CSMD1: variants seen among roughly 807,000 people sequenced by gnomAD.
CSMD1 encodes CUB and Sushi multiple domains 1.
CSMD1 carries 213 observed loss-of-function variants against 417.5 expected under a neutral mutation model. The ratio of observed to expected loss-of-function variants is 0.51; its 90% CI spans 0.46 to 0.57. CSMD1 has a LOEUF of 0.57. Ranked by LOEUF, CSMD1 falls within the 20% of genes least tolerant of loss-of-function variation. CSMD1 has a pLI of 0.00. For missense variants in CSMD1, 6,923 were observed against 4,529.7 expected (o/e 1.53, Z -15.17); for synonymous variants, 2,862 against 1,736.8 (o/e 1.65, Z -16.11).
rs185318122 is a variant in CSMD1, at chr8:3,233,825, G to C, written c.4154-3594C>G. Reference sequence around the variant, plus strand: ...ACCCATCCAGAGGAGAGTCACATTAGATTACAGGATCTGCCTGGAACAACA... The same window carrying C: ...ACCCATCCAGAGGAGAGTCACATTACATTACAGGATCTGCCTGGAACAACA... On this transcript the variant is annotated intron_variant, in intron 26 of 69. Transcript: ENST00000635120. Among the ~76,000 whole-genome samples, 7 of 151,978 alleles carry C rather than the reference G, an allele frequency of 4.6e-5. No homozygotes were observed. In the East Asian group the frequency reaches 1.2e-3, roughly 25 times the overall value.
Position 3,703,350 on chromosome 8 carries a change from T to A in CSMD1, c.1009+5064A>T, listed in dbSNP as rs1395509713. 2.0e-5 allele frequency among the ~76,000 whole-genome samples: 3 copies of A among 152,264 alleles called. No individual in the cohort carries two copies. The East Asian group carries it at 5.8e-4, about 29-fold the overall frequency. On this transcript the variant is annotated intron_variant, in intron 7 of 69. Transcript: ENST00000635120. The stretch of plus-strand genomic sequence containing the variant: ...ATGAACGTGGGTTCCCAAAGCAAAA[T>A]TCACAAAAGACTCATCAGATTAGGA...
chr8:3,848,767 G>T (rs1273627382), intron 5 of CSMD1, among the ~76,000 whole-genome samples: 1 of 151,996 alleles, frequency 6.6e-6, no homozygotes, highest in African/African-American at 2.4e-5. Flanking sequence ...AATTATAATT[G>T]TCAAATATTT....
rs1028520519 is a variant in CSMD1, at chr8:3,231,382, G to C, written c.4154-1151C>G. Among the ~76,000 whole-genome samples the C allele has an allele frequency of 3.2e-4, 49 of 152,084 alleles. 1 individual carries two copies. The highest frequency in any genetic ancestry group is 1.1e-3 in the African/African-American group (47 of 41,378). ...TTTTATGAAAGAGCAAAAAAAAAGA[G>C]ATTAGTGTATTGTTCTATATACATA... On this transcript the variant is annotated intron_variant, in intron 26 of 69. Coordinates refer to ENST00000635120, the MANE Select transcript of CSMD1 (RefSeq NM_033225.6).
At chr8:4,044,823 T>A (rs143017681) in intron 3 of CSMD1, among the ~76,000 whole-genome samples, 2 of 129,802 alleles carry the variant, frequency 1.5e-5, no homozygotes, top group African/African-American at 2.8e-5. Context: ...CCATCCTCGA[T>A]GAGTAGCACC....
intron 1 of CSMD1, chr8:4,787,305 G>A: frequency 2.8e-6 from 2 of 703,260 alleles, no homozygotes; most frequent in African/African-American, 1.8e-5. Flanking sequence ...TACCGGCGCG[G>A]TCGCAGCCCT....
chr8:4,102,571 C>A (rs573173248), intron 3 of CSMD1, among the ~76,000 whole-genome samples: 43 of 150,040 alleles, frequency 2.9e-4, no homozygotes, highest in African/African-American at 1.0e-3. Context: ...GGCTGACTCC[C>A]AGGCTGAAAT....
intron 2 of CSMD1, among the ~76,000 whole-genome samples, chr8:4,617,886 C>G (rs1167876578): frequency 1.3e-5 from 2 of 152,122 alleles, no homozygotes; most frequent in African/African-American, 4.8e-5. Context: ...TACCCCAGAA[C>G]CTGGACCAAT....
intron 2 of CSMD1, among the ~76,000 whole-genome samples, chr8:4,456,406 T>C (rs753139456): frequency 1.3e-5 from 2 of 152,174 alleles, no homozygotes; most frequent in Non-Finnish European, 2.9e-5. Context: ...AGACAAGATA[T>C]CGACTTCTTA....
intron 3 of CSMD1, among the ~76,000 whole-genome samples, chr8:4,177,428 G>C (rs554912499): frequency 1.3e-5 from 2 of 151,910 alleles, no homozygotes; most frequent in South Asian, 2.1e-4. Context: ...CACATTCAAA[G>C]CAGTGTGTAG....
intron 3 of CSMD1, among the ~76,000 whole-genome samples, chr8:4,212,555 A>T (rs1261442813): frequency 6.6e-6 from 1 of 151,920 alleles, no homozygotes; most frequent in East Asian, 1.9e-4. Flanking sequence ...TTTTTTTTCT[A>T]AAATAAAGAA....
In CSMD1 at chr8:4,637,573, A is replaced by G. The variant is rs759352319; in HGVS notation, c.86-15T>C. 8 of 1,580,056 alleles carry G rather than the reference A, an allele frequency of 5.1e-6. No individual in the cohort carries two copies. In the East Asian group the frequency reaches 1.8e-4, roughly 36 times the overall value. ...ACAGTTCTGACCTGGAAGAGAAAACACACACAAAAAAGCATATTATTCTGG... is the reference window on the plus strand; with the variant it reads ...ACAGTTCTGACCTGGAAGAGAAAACGCACACAAAAAAGCATATTATTCTGG... On this transcript the variant is annotated splice_polypyrimidine_tract_variant and intron_variant, in intron 1 of 69. Coordinates refer to ENST00000635120, the MANE Select transcript of CSMD1 (RefSeq NM_033225.6).
intron 8 of CSMD1, among the ~76,000 whole-genome samples, chr8:3,596,294 C>G (rs1173962962): frequency 6.6e-6 from 1 of 152,172 alleles, no homozygotes; most frequent in Non-Finnish European, 1.5e-5. Context: ...GTTTGTTTTA[C>G]TTCATGAACA....
At chr8:4,797,044 A>G (rs906607230) in intron 1 of CSMD1, among the ~76,000 whole-genome samples, 8 of 152,148 alleles carry the variant, frequency 5.3e-5, no homozygotes, top group African/African-American at 1.9e-4. Context: ...GCTAATTCTT[A>G]AGAGAGAAGC....
chr8:3,008,422 G>A (rs1253913902), intron 52 of CSMD1, among the ~76,000 whole-genome samples: 2 of 152,206 alleles, frequency 1.3e-5, no homozygotes, highest in African/African-American at 2.4e-5. Flanking sequence ...AATTCAACAC[G>A]GGAGAGCAGG....
chr8:3,773,046 G>A (rs1351369547), intron 5 of CSMD1, among the ~76,000 whole-genome samples: 1 of 152,138 alleles, frequency 6.6e-6, no homozygotes, highest in African/African-American at 2.4e-5. Context: ...TGACAGAAGG[G>A]AAGAAGGGAG....
At chr8:4,431,079 C>A (rs1016388686) in intron 2 of CSMD1, among the ~76,000 whole-genome samples, 2 of 152,046 alleles carry the variant, frequency 1.3e-5, no homozygotes, top group Non-Finnish European at 2.9e-5. Context: ...CTTCTATGAT[C>A]ATTAGTGTTA....
chr8:3,419,092 C>A (rs553067044), intron 12 of CSMD1, among the ~76,000 whole-genome samples: 2 of 152,200 alleles, frequency 1.3e-5, no homozygotes, highest in Admixed American at 6.5e-5. Flanking sequence ...GAAACGCCAG[C>A]TAGGAACCTC....
chr8:2,980,711 C>A (rs1213125108), intron 54 of CSMD1, among the ~76,000 whole-genome samples: 1 of 152,190 alleles, frequency 6.6e-6, no homozygotes, highest in Admixed American at 6.5e-5. Context: ...GACTAAAATT[C>A]TCTTTAAGGG....
chr8:3,238,307 G>A (rs1403333650), intron 26 of CSMD1, among the ~76,000 whole-genome samples: 2 of 151,988 alleles, frequency 1.3e-5, no homozygotes, highest in Non-Finnish European at 2.9e-5. Context: ...CTTCTTTTGT[G>A]GTGGAATGTC....
Sources: gnomAD v4.1 joint callset for allele counts (sites outside exome capture counted in the v4.1 genomes callset) on GRCh38, gnomAD v4.1.1 for gene constraint, MANE v1.5 for transcripts, NCBI Gene and HGNC (gene_info 2026-07-23, HGNC 2026-07-21) for gene names.